The following PCDHGA3 variants were observed in gnomAD, a reference collection of about 807,000 sequenced individuals.
The protein encoded by PCDHGA3 is protocadherin gamma-A3.
In PCDHGA3, 40 loss-of-function variants were observed where a neutral mutation model predicts 58.5. That is an observed-to-expected ratio of 0.68 (90% CI 0.53 to 0.89). The LOEUF is 0.89. PCDHGA3 is among the 40% of genes least tolerant of loss of function. PCDHGA3 has a pLI of 0.00. For missense variants in PCDHGA3, 1,223 were observed against 1,195.9 expected (o/e 1.02, Z -0.33); for synonymous variants, 530 against 525.7 (o/e 1.01, Z -0.11).
rs201850389 is a variant in PCDHGA3, at chr5:141,371,846, T to A, written c.2424+25389T>A. 284 of 1,613,662 alleles carry A rather than the reference T, an allele frequency of 1.8e-4. 1 individual carries two copies. Among genetic ancestry groups the A allele is most frequent in the Admixed American group, 2.0e-4 (12 of 60,036 alleles). On this transcript the variant is annotated intron_variant, in intron 1 of 3. Coordinates refer to ENST00000253812, the MANE Select transcript of PCDHGA3 (RefSeq NM_018916.4). Reference sequence around the variant, plus strand: ...CCTCGGATCCCGACTTGGGACCTAATGGCCTTGTCTCCTACTACATCGTGG... The same window carrying A: ...CCTCGGATCCCGACTTGGGACCTAAAGGCCTTGTCTCCTACTACATCGTGG...
chr5:141,376,675 C>CTT, intron 1 of PCDHGA3: 16 of 345,018 alleles, frequency 4.6e-5, no homozygotes, highest in Non-Finnish European at 6.4e-5. Context: ...GTGAGGGTAT[C>CTT]GTTTTTTTTT....
intron 1 of PCDHGA3, chr5:141,372,854 C>T: frequency 6.9e-7 from 1 of 1,458,390 alleles, no homozygotes; most frequent in Non-Finnish European, 9.2e-7. Flanking sequence ...AATTGGGTTT[C>T]AATTCATTGA....
intron 1 of PCDHGA3, chr5:141,370,891 C>A (rs1767286127): frequency 6.2e-7 from 1 of 1,614,028 alleles, no homozygotes; most frequent in Non-Finnish European, 8.5e-7. Context: ...GGTGTCAATT[C>A]GCTGCAGCAG....
At chr5:141,385,577 T>A in intron 1 of PCDHGA3, 1 of 1,290,108 alleles carries the variant, frequency 7.8e-7, no homozygotes, top group Non-Finnish European at 9.8e-7. Context: ...TACTTTCCAA[T>A]CTATGTTCCA....
At position 141,431,303 on chromosome 5, in the gene PCDHGA3, G is replaced by T. The variant is rs777784010; in HGVS notation, c.2425-63504G>T. The T allele has an allele frequency of 1.2e-6, 2 of 1,614,060 alleles. No homozygotes were observed. Among genetic ancestry groups the T allele is most frequent in the Non-Finnish European group, 1.7e-6 (2 of 1,180,038 alleles). On this transcript the variant is annotated intron_variant, in intron 1 of 3. Coordinates refer to ENST00000253812, the MANE Select transcript of PCDHGA3 (RefSeq NM_018916.4). The surrounding 1 kb of genome is among the most constrained non-coding windows in gnomAD (Gnocchi z 4.8). ...CCCGAACACTCACTTCTCCCTCATC[G>T]TGCAAAATGGAGCCGACGGTAGTAA...
intron 1 of PCDHGA3, chr5:141,395,539 TG>T: frequency 9.6e-6 from 2 of 208,432 alleles, no homozygotes; most frequent in Non-Finnish European, 1.6e-5. Flanking sequence ...ATTTTGCTAT[TG>T]TTTGTGTGTG....
chr5:141,351,207 A>G, intron 1 of PCDHGA3: 2 of 1,614,036 alleles, frequency 1.2e-6, no homozygotes, highest in Non-Finnish European at 1.7e-6. Flanking sequence ...TTGAGTGTGG[A>G]AGCTAAGGAT....
In PCDHGA3 at chr5:141,355,301, C is replaced by T. The variant is rs1426106263; in HGVS notation, c.2424+8844C>T. On this transcript the variant is annotated intron_variant, in intron 1 of 3. Coordinates refer to ENST00000253812, the MANE Select transcript of PCDHGA3 (RefSeq NM_018916.4). ...ATCAGGGCCGAACAGATTCTCTACT[C>T]GGTGTTTGAGGAGCAGGAAGAAGGC... 1.9e-5 allele frequency: 31 copies of T among 1,613,786 alleles called. No homozygotes were observed. In the Admixed American group the frequency reaches 4.7e-4, roughly 24 times the overall value.
At chr5:141,383,748 A>T in intron 1 of PCDHGA3, 1 of 1,613,970 alleles carries the variant, frequency 6.2e-7, no homozygotes, top group Non-Finnish European at 8.5e-7. Context: ...CTTTTCGGAA[A>T]ATAACTCCTA....
chr5:141,489,635 G>T lies in PCDHGA3; in HGVS notation c.2425-5172G>T, dbSNP rs1380466520. On this transcript the variant is annotated intron_variant, in intron 1 of 3. Coordinates refer to ENST00000253812, the MANE Select transcript of PCDHGA3 (RefSeq NM_018916.4). This position sits in a 1 kb window ranked among gnomAD's most constrained non-coding sequence, Gnocchi z 4.5. ...CTGGATCTCAATGACAACTCTCCTA[G>T]CTTTGCCACCCCTGAGCGAGAGATG... 1.2e-6 allele frequency: 2 copies of T among 1,614,024 alleles called. No homozygotes were observed. The highest frequency in any genetic ancestry group is 2.7e-5 in the African/African-American group (2 of 74,908).
intron 1 of PCDHGA3, chr5:141,365,276 C>T: frequency 6.2e-7 from 1 of 1,613,968 alleles, no homozygotes; most frequent in East Asian, 2.2e-5. Flanking sequence ...CAGATTCTAC[C>T]TCATGGAAGT....
chr5:141,399,618 G>A, intron 1 of PCDHGA3: 1 of 1,613,914 alleles, frequency 6.2e-7, no homozygotes, highest in Non-Finnish European at 8.5e-7. Context: ...CTCTGGCACT[G>A]GCCTCTTACG....
At chr5:141,442,837 A>C (rs2098346617) in intron 1 of PCDHGA3, among the ~76,000 whole-genome samples, 1 of 152,202 alleles carries the variant, frequency 6.6e-6, no homozygotes, top group South Asian at 2.1e-4. Flanking sequence ...GGGAGGGACA[A>C]ATCTTGGCCA....
intron 1 of PCDHGA3, among the ~76,000 whole-genome samples, chr5:141,444,150 GGATTT>G (rs2098419598): frequency 1.8e-5 from 2 of 114,012 alleles, no homozygotes; most frequent in Non-Finnish European, 3.5e-5. Flanking sequence ...TGTGTGTACT[GGATTT>G]TTTTTTTTTT....
Position 141,345,426 on chromosome 5 carries a change from A to T in PCDHGA3, c.1393A>T (p.Asn465Tyr), listed in dbSNP as rs758547932. The T allele has an allele frequency of 1.2e-6, 2 of 1,614,002 alleles. No individual in the cohort carries two copies. The highest frequency in any genetic ancestry group is 1.7e-6 in the Non-Finnish European group (2 of 1,180,004). Residue 465 changes from asparagine (N) to tyrosine (Y), a missense_variant, in exon 1 of 4, where the codon AAC becomes TAC. Asn to Tyr is a moderately radical substitution (Grantham distance 143). This residue lies in a region of PCDHGA3 where 791 missense variants were observed against 708.5 expected (regional missense o/e 1.12). Transcript: ENST00000253812. ...CTACTCCGCCTACATTCCAGAAAAC[A>T]ACCCCAGAGGAGCCTCCATCTTCTC... Reference protein sequence around the residue: ...LSYSAYIPENNPRGASIFSVT... With the variant: ...LSYSAYIPENYPRGASIFSVT...
At chr5:141,370,225 C>T in intron 1 of PCDHGA3, 1 of 577,904 alleles carries the variant, frequency 1.7e-6, no homozygotes. Flanking sequence ...CCGCTGCAGC[C>T]AGCTCGGAAG....
chr5:141,448,928 G>C (rs2098617520), intron 1 of PCDHGA3, among the ~76,000 whole-genome samples: 1 of 152,166 alleles, frequency 6.6e-6, no homozygotes, highest in Non-Finnish European at 1.5e-5. Context: ...CTGGGCGACA[G>C]AGCAAGACTG....
intron 1 of PCDHGA3, chr5:141,392,880 C>G (rs779595460): frequency 3.1e-6 from 5 of 1,613,564 alleles, no homozygotes; most frequent in Non-Finnish European, 2.5e-6. Flanking sequence ...GCTGGGAACG[C>G]TGTGGGAAAT....
intron 1 of PCDHGA3, chr5:141,421,290 G>C (rs2096561632): frequency 6.2e-7 from 1 of 1,613,130 alleles, no homozygotes; most frequent in African/African-American, 1.3e-5. Flanking sequence ...GCATTTTCCT[G>C]GGGACGCTGC....
Sources: allele counts gnomAD v4.1 joint callset (sites outside exome capture counted in the v4.1 genomes callset), GRCh38; gene constraint gnomAD v4.1.1; regional missense constraint gnomAD v4.1.1; non-coding constraint Gnocchi (gnomAD v3.1); transcripts MANE v1.5; gene names NCBI Gene and HGNC (gene_info 2026-07-23, HGNC 2026-07-21).